The following AKAP13 variants were observed in gnomAD, a reference collection of about 807,000 sequenced individuals.
The protein encoded by AKAP13 is A-kinase anchoring protein 13.
AKAP13 carries 80 observed loss-of-function variants against 264.5 expected under a neutral mutation model. That is an observed-to-expected ratio of 0.30 (90% CI 0.25 to 0.36). The LOEUF (loss-of-function observed/expected upper bound fraction) is 0.36, where lower values mean the gene tolerates loss of function less well. AKAP13 is among the 10% of genes least tolerant of loss of function. AKAP13 has a pLI of 1.00. For missense variants in AKAP13, 3,712 were observed against 3,435.2 expected, an observed-to-expected ratio of 1.08 and a Z score of -2.01; for synonymous variants, 1,380 against 1,250.2, an observed-to-expected ratio of 1.10 and a Z score of -2.19.
intron 33 of AKAP13, among the ~76,000 whole-genome samples, chr15:85,738,956 A>G (rs980046538): frequency 7.2e-5 from 11 of 152,122 alleles, no homozygotes; most frequent in African/African-American, 2.7e-4. Flanking sequence ...CATAATTCAT[A>G]GCAATACTTC....
Position 85,647,955 on chromosome 15 carries a change from A to G in AKAP13, c.4374+2001A>G, listed in dbSNP as rs139935915. The stretch of plus-strand genomic sequence containing the variant: ...AAAAACAAAAAACAAAACAAAAAAA[A>G]CTCCACATTTAGAAGATCTGCCTTT... On this transcript the variant is annotated intron_variant, in intron 10 of 36. Coordinates refer to ENST00000394518, the MANE Select transcript of AKAP13 (RefSeq NM_007200.5). Among the ~76,000 whole-genome samples the G allele has an allele frequency of 5.2e-3, 789 of 152,206 alleles. 7 individuals carry two copies. The highest frequency in any genetic ancestry group is 0.017 in the African/African-American group (704 of 41,552).
intron 2 of AKAP13, among the ~76,000 whole-genome samples, chr15:85,511,160 T>C (rs888866068): frequency 1.3e-5 from 2 of 152,260 alleles, no homozygotes; most frequent in Non-Finnish European, 2.9e-5. Flanking sequence ...GCAAGACTTT[T>C]ATATCCTTGC....
chr15:85,554,579 A>G (rs569275661), intron 5 of AKAP13, among the ~76,000 whole-genome samples: 3 of 151,118 alleles, frequency 2.0e-5, no homozygotes, highest in Admixed American at 1.3e-4. Flanking sequence ...GGCTTCCCTT[A>G]CTTTTTTTTC....
rs534312190 is a variant in AKAP13, at chr15:85,741,041, C to A, written c.7609-5C>A. 6.2e-7 allele frequency: 1 copy of A among 1,600,704 alleles called. No homozygotes were observed. Among genetic ancestry groups the A allele is most frequent in the African/African-American group, 1.3e-5 (1 of 74,728 alleles). On this transcript the variant is annotated splice_region_variant and splice_polypyrimidine_tract_variant and intron_variant, in intron 34 of 36. Coordinates refer to ENST00000394518, the MANE Select transcript of AKAP13 (RefSeq NM_007200.5). The stretch of plus-strand genomic sequence containing the variant: ...TTGCAGGGCTCCCCTCTGTGTGCCT[C>A]CCAGGGTGTGGTGCTGCAGCAGGAC...
intron 23 of AKAP13, among the ~76,000 whole-genome samples, chr15:85,720,258 CTCTGTG>C: frequency 2.7e-5 from 1 of 36,376 alleles, no homozygotes; most frequent in East Asian, 9.2e-4. Context: ...TAAAAACAAA[CTCTGTG>C]TGTGTGTGTG....
chr15:85,496,634 C>T lies in AKAP13; in HGVS notation c.33+10881C>T, dbSNP rs529703857. Reference sequence around the variant, plus strand: ...GTTTTATCGTTCTTCCTAGGAAATGCATTTCCACAGCAGGCTCTGAAATAA... The same window carrying T: ...GTTTTATCGTTCTTCCTAGGAAATGTATTTCCACAGCAGGCTCTGAAATAA... On this transcript the variant is annotated intron_variant, in intron 2 of 36. Transcript: ENST00000394518. Among the ~76,000 whole-genome samples, 7 of 152,314 alleles carry T rather than the reference C, an allele frequency of 4.6e-5. No homozygotes were observed. In the East Asian group the frequency reaches 1.3e-3, roughly 29 times the overall value.
intron 10 of AKAP13, among the ~76,000 whole-genome samples, chr15:85,653,474 G>A (rs1041112422): frequency 8.5e-5 from 13 of 152,228 alleles, no homozygotes; most frequent in Non-Finnish European, 1.0e-4. Flanking sequence ...GGATTCCACG[G>A]AACTGGAAAA....
At chr15:85,623,485 C>G (rs1431428515) in intron 8 of AKAP13, among the ~76,000 whole-genome samples, 1 of 152,168 alleles carries the variant, frequency 6.6e-6, no homozygotes. Context: ...TATATACCCA[C>G]GCTTTATTTG....
intron 10 of AKAP13, 98 bp downstream of exon 10, chr15:85,646,052 C>G (rs2082545736): frequency 2.1e-6 from 3 of 1,449,828 alleles, no homozygotes; most frequent in South Asian, 1.3e-5. Flanking sequence ...CTCTTGTGCT[C>G]TCCTGTTTCC....
chr15:85,622,217 T>C lies in AKAP13; in HGVS notation c.4162-17157T>C, dbSNP rs537903273. Among the ~76,000 whole-genome samples the C allele has an allele frequency of 3.3e-5, 5 of 152,236 alleles. No individual in the cohort carries two copies. The South Asian group carries it at 8.3e-4, about 25-fold the overall frequency. On this transcript the variant is annotated intron_variant, in intron 8 of 36. Coordinates refer to ENST00000394518, the MANE Select transcript of AKAP13 (RefSeq NM_007200.5). ...TTATAATTGATTTGAAAGAAATGAG[T>C]AGGGTGCTGTGTAGGGAATAATGGG...
intron 2 of AKAP13, among the ~76,000 whole-genome samples, chr15:85,498,061 T>C (rs1375903978): frequency 6.6e-6 from 1 of 151,384 alleles, no homozygotes; most frequent in African/African-American, 2.4e-5. Flanking sequence ...CCACTGAGGG[T>C]TTTAGTGTGA....
rs995036838 is a variant in AKAP13, at chr15:85,579,740, G to A, written c.1672G>A (p.Glu558Lys). The change falls in exon 7 of 37, where the codon GAA (glutamate) becomes AAA (lysine). Residue 558 changes from glutamate (E) to lysine (K), a missense_variant. Physicochemically the swap from Glu to Lys is moderately conservative, Grantham distance 56 (BLOSUM62 1). Around this residue, in one of 3 missense-constraint regions of AKAP13, gnomAD observed 2,759 missense variants for 2,411.7 expected, o/e 1.14. Transcript: ENST00000394518. The stretch of plus-strand genomic sequence containing the variant: ...TGAGTCTTCACTTGCATTTAGTAAT[G>A]AAGAAACCTCCACTGAAAAAACAGC... The part of the protein sequence containing the change: ...PAESSLAFSN[E>K]ETSTEKTAET... 3.7e-6 allele frequency: 6 copies of A among 1,614,088 alleles called. No homozygotes were observed. Among genetic ancestry groups the A allele is most frequent in the Non-Finnish European group, 5.1e-6 (6 of 1,180,046 alleles).
At chr15:85,668,721 CATTTG>C (rs1253248121) in intron 13 of AKAP13, among the ~76,000 whole-genome samples, 1 of 152,180 alleles carries the variant, frequency 6.6e-6, no homozygotes, top group East Asian at 1.9e-4. Flanking sequence ...ATGGGTGGAT[CATTTG>C]AGCCCAGGGA....
intron 5 of AKAP13, chr15:85,555,560 T>G: frequency 9.2e-7 from 1 of 1,090,428 alleles, no homozygotes; most frequent in Non-Finnish European, 1.2e-6. Context: ...TTTCTCTGGC[T>G]TTTTGCTGTA....
chr15:85,539,353 A>G (rs992505233), intron 4 of AKAP13, among the ~76,000 whole-genome samples: 1 of 152,032 alleles, frequency 6.6e-6, no homozygotes, highest in East Asian at 1.9e-4. Context: ...ATTTTCTCAC[A>G]GTGGCCTGTT....
rs776745898 is a variant in AKAP13, at chr15:85,726,474, C to T, written c.6810C>T (p.Ile2270=). The stretch of plus-strand genomic sequence containing the variant: ...TTCAAGAAAAAGACCAGAAGTACAT[C>T]TTTGCATCATTGGTAAGCTGAATTG... ...VFLQEKDQKY[I]FASLDQKSTV... is the part of the protein sequence containing the mutation. The change falls in exon 27 of 37, where the codon ATC becomes ATT. Residue 2270 remains isoleucine, a synonymous_variant. Coordinates refer to ENST00000394518, the MANE Select transcript of AKAP13 (RefSeq NM_007200.5). 1.2e-6 allele frequency: 2 copies of T among 1,612,398 alleles called. No homozygotes were observed. Among genetic ancestry groups the T allele is most frequent in the Non-Finnish European group, 1.7e-6 (2 of 1,178,544 alleles).
intron 1 of AKAP13, among the ~76,000 whole-genome samples, chr15:85,417,658 A>G (rs2072305304): frequency 6.6e-6 from 1 of 152,234 alleles, no homozygotes; most frequent in Admixed American, 6.5e-5. Flanking sequence ...CCGATTAAAC[A>G]TGACTGTCAT....
In AKAP13 at chr15:85,579,771, C is replaced by T. The variant is rs551707629; in HGVS notation, c.1703C>T (p.Thr568Met). 7.4e-6 allele frequency: 12 copies of T among 1,614,206 alleles called. No individual in the cohort carries two copies. Among genetic ancestry groups the T allele is most frequent in the African/African-American group, 4.0e-5 (3 of 75,052 alleles). Residue 568 changes from threonine (T) to methionine (M), a missense_variant, in exon 7 of 37, where the codon ACG (threonine) becomes ATG (methionine). Transcript: ENST00000394518. ...EETSTEKTAE[T>M]ETSRSREESA... The stretch of plus-strand genomic sequence containing the variant: ...ACCTCCACTGAAAAAACAGCAGAAA[C>T]GGAAACTTCACGAAGTCGTGAGGAG...
intron 2 of AKAP13, among the ~76,000 whole-genome samples, chr15:85,509,796 T>C (rs1284959100): frequency 6.6e-6 from 1 of 152,224 alleles, no homozygotes; most frequent in East Asian, 1.9e-4. Context: ...TAGTGTTACA[T>C]GACATTTTAT....
Sources: gnomAD v4.1 joint callset for allele counts (sites outside exome capture counted in the v4.1 genomes callset) on GRCh38, gnomAD v4.1.1 for gene constraint, gnomAD v4.1.1 regional missense constraint, MANE v1.5 for transcripts, NCBI Gene and HGNC (gene_info 2026-07-23, HGNC 2026-07-21) for gene names.